CNTN4: variants seen among roughly 807,000 people sequenced by gnomAD.
CNTN4 encodes contactin 4, also known as contactin-4.
CNTN4 carries 77 observed loss-of-function variants against 122.5 expected under a neutral mutation model. That is an observed-to-expected ratio of 0.63 (90% confidence interval 0.52 to 0.76). The LOEUF (loss-of-function observed/expected upper bound fraction) is 0.76, where lower values mean the gene tolerates loss of function less well. CNTN4 is among the 30% of genes least tolerant of loss of function. The pLI, the probability that CNTN4 is intolerant of heterozygous loss-of-function variation, is 0.00. For synonymous variants in CNTN4, 512 were observed against 447.0 expected (o/e 1.15, Z -1.83); for missense variants, 1,256 against 1,259.1 (o/e 1.00, Z 0.04).
At chr3:2,705,362 C>T (rs1273542483) in intron 4 of CNTN4, among the ~76,000 whole-genome samples, 8 of 121,222 alleles carry the variant, frequency 6.6e-5, no homozygotes, top group Admixed American at 4.7e-4. Context: ...AGCCAGACTC[C>T]GTCTCAAAAA....
At chr3:2,225,573 A>G (rs2039250498) in intron 2 of CNTN4, among the ~76,000 whole-genome samples, 1 of 152,144 alleles carries the variant, frequency 6.6e-6, no homozygotes, top group Non-Finnish European at 1.5e-5. Context: ...CTTTCCCTTC[A>G]TCTTTGGTAC....
chr3:3,037,868 G>A, intron 18 of CNTN4, among the ~76,000 whole-genome samples: 1 of 152,318 alleles, frequency 6.6e-6, no homozygotes, highest in East Asian at 1.9e-4. Context: ...CAGCAATTCA[G>A]TATGGCCCTC....
chr3:2,637,946 A>T (rs931776648), intron 4 of CNTN4, among the ~76,000 whole-genome samples: 1 of 152,192 alleles, frequency 6.6e-6, no homozygotes, highest in Non-Finnish European at 1.5e-5. Flanking sequence ...CTGGAATCAG[A>T]ATCTATTTTG....
intron 4 of CNTN4, among the ~76,000 whole-genome samples, chr3:2,714,851 C>T (rs931684668): frequency 6.6e-6 from 1 of 152,172 alleles, no homozygotes; most frequent in African/African-American, 2.4e-5. Flanking sequence ...GATCCTCCTT[C>T]CTTGGCCCCC....
At chr3:2,861,847 T>C (rs964647882) in intron 7 of CNTN4, among the ~76,000 whole-genome samples, 14 of 152,228 alleles carry the variant, frequency 9.2e-5, no homozygotes, top group Non-Finnish European at 1.9e-4. Context: ...GATCTACATA[T>C]AGAATGTACG....
intron 20 of CNTN4, 84 bp downstream of exon 20, chr3:3,040,355 GC>G: frequency 9.6e-7 from 1 of 1,041,892 alleles, no homozygotes; most frequent in East Asian, 2.4e-5. Context: ...AATCAATTTC[GC>G]ATGGTACATG....
chr3:2,879,942 T>C (rs994315463), intron 8 of CNTN4, among the ~76,000 whole-genome samples: 29 of 152,250 alleles, frequency 1.9e-4, no homozygotes, highest in Middle Eastern at 3.4e-3. Flanking sequence ...AAGACCATTG[T>C]GGGCTAGAGA....
At chr3:3,007,478 C>T (rs1240809320) in intron 14 of CNTN4, among the ~76,000 whole-genome samples, 1 of 152,208 alleles carries the variant, frequency 6.6e-6, no homozygotes, top group African/African-American at 2.4e-5. Context: ...AAAGGTGTCA[C>T]CTGGCTCTGC....
intron 13 of CNTN4, among the ~76,000 whole-genome samples, chr3:2,973,222 G>T (rs934394349): frequency 6.6e-6 from 1 of 152,124 alleles, no homozygotes; most frequent in African/African-American, 2.4e-5. Flanking sequence ...GACTTGAGTC[G>T]ATCATGGAAG....
intron 4 of CNTN4, among the ~76,000 whole-genome samples, chr3:2,721,150 T>G (rs2087827746): frequency 6.6e-6 from 1 of 152,046 alleles, no homozygotes; most frequent in Non-Finnish European, 1.5e-5. Flanking sequence ...TTTTATATTT[T>G]TAGTAGAGAT....
At chr3:2,108,769 A>G (rs1039991714) in intron 2 of CNTN4, among the ~76,000 whole-genome samples, 2 of 152,236 alleles carry the variant, frequency 1.3e-5, no homozygotes, top group African/African-American at 4.8e-5. Context: ...GGACACATCT[A>G]TAACATTGTC....
chr3:2,267,643 C>A (rs1153496), intron 2 of CNTN4, among the ~76,000 whole-genome samples: 1 of 152,140 alleles, frequency 6.6e-6, no homozygotes, highest in South Asian at 2.1e-4. Flanking sequence ...TATTTCCACT[C>A]CTTTTCCCAT....
Position 2,484,416 on chromosome 3 carries a change from T to A in CNTN4, c.-88-87000T>A, listed in dbSNP as rs532388067. 2.0e-5 allele frequency among the ~76,000 whole-genome samples: 3 copies of A among 152,342 alleles called. No homozygotes were observed. The South Asian group carries it at 6.2e-4, about 32-fold the overall frequency. On this transcript the variant is annotated intron_variant, in intron 3 of 24. Transcript: ENST00000418658. ...ATGAAGAGGAACTGCAAATGGCCTA[T>A]GAATACTAGATTGTGATGTGATGCT...
intron 4 of CNTN4, among the ~76,000 whole-genome samples, chr3:2,589,538 T>A (rs181160624): frequency 3.3e-4 from 50 of 152,348 alleles, no homozygotes; most frequent in Admixed American, 3.2e-3. Context: ...TGTGCAGGCA[T>A]TGGAAGAATG....
intron 2 of CNTN4, among the ~76,000 whole-genome samples, chr3:2,197,880 TG>T (rs2037919711): frequency 6.6e-6 from 1 of 151,988 alleles, no homozygotes; most frequent in Non-Finnish European, 1.5e-5. Flanking sequence ...CCAGGAGTGG[TG>T]TTGCATGCCT....
At chr3:2,183,464 TG>T (rs1450865526) in intron 2 of CNTN4, among the ~76,000 whole-genome samples, 2 of 152,214 alleles carry the variant, frequency 1.3e-5, no homozygotes, top group Admixed American at 6.5e-5. Flanking sequence ...GCTCTTTTTT[TG>T]GGGCTCATTT....
intron 3 of CNTN4, among the ~76,000 whole-genome samples, chr3:2,431,866 A>T (rs1324859700): frequency 6.6e-6 from 1 of 152,174 alleles, no homozygotes; most frequent in Non-Finnish European, 1.5e-5. Flanking sequence ...CAAGGAGGTT[A>T]TTTATGAAGT....
chr3:2,554,223 A>G (rs2078627985), intron 3 of CNTN4, among the ~76,000 whole-genome samples: 2 of 152,186 alleles, frequency 1.3e-5, no homozygotes, highest in Non-Finnish European at 1.5e-5. Context: ...TAAGTTATCT[A>G]TCCAAATAGG....
chr3:2,724,449 G>A (rs1040604507), intron 4 of CNTN4, among the ~76,000 whole-genome samples: 19 of 152,112 alleles, frequency 1.2e-4, no homozygotes, highest in African/African-American at 4.3e-4. Flanking sequence ...AGAAAGAAAA[G>A]CACACCAAAC....
Sources: allele counts gnomAD v4.1 joint callset (sites outside exome capture counted in the v4.1 genomes callset), GRCh38; gene constraint gnomAD v4.1.1; transcripts MANE v1.5; gene names NCBI Gene and HGNC (gene_info 2026-07-23, HGNC 2026-07-21).